CDH11: variants seen among roughly 807,000 people sequenced by gnomAD.
CDH11 encodes cadherin-11.
Under a neutral mutation model 67.8 loss-of-function variants are expected in CDH11, and 11 were observed. The ratio of observed to expected loss-of-function variants is 0.16; its 90% confidence interval spans 0.10 to 0.27. The LOEUF is 0.27. Among genes scored for constraint, CDH11 ranks in the 10% least tolerant of loss-of-function variants. The pLI is 1.00. For synonymous variants in CDH11, 419 were observed against 400.0 expected, an observed-to-expected ratio of 1.05 and a Z score of -0.57; for missense variants, 847 against 1,031.2, an observed-to-expected ratio of 0.82 and a Z score of 2.45.
intron 4 of CDH11, among the ~76,000 whole-genome samples, 162 bp from the exon 5 acceptor site, chr16:64,993,196 A>ACCTTCCTTCCTTCCTT (rs71143543): frequency 0.22 from 32,437 of 147,052 alleles, 4,276 homozygotes; most frequent in Non-Finnish European, 0.29. Flanking sequence ...CAGCCAACCA[A>ACCTTCCTTCCTTCCTT]CCTTCCTTCC....
At chr16:65,057,589 G>C (rs995940284) in intron 1 of CDH11, among the ~76,000 whole-genome samples, 6 of 152,206 alleles carry the variant, frequency 3.9e-5, no homozygotes, top group Non-Finnish European at 8.8e-5. Context: ...GACTGTGGCA[G>C]CTCCCTTTTG....
intron 1 of CDH11, among the ~76,000 whole-genome samples, chr16:65,091,315 G>A (rs964602014): frequency 1.3e-5 from 2 of 152,104 alleles, no homozygotes; most frequent in African/African-American, 4.8e-5. Context: ...TATTTATTTA[G>A]TATTAATTCC....
chr16:64,950,993 C>G lies in CDH11; in HGVS notation c.1668G>C (p.Arg556=). ...GCTTCTGCCGACTGAACCCTCCACG[C>G]CGGGCGTACACGCCTGCTGTGTTAT... ...NRDNTAGVYA[R]RGGFSRQKQD... Residue 556 remains arginine, a synonymous_variant, in exon 12 of 13, where the codon CGG becomes CGC. Coordinates refer to ENST00000268603, the MANE Select transcript of CDH11 (RefSeq NM_001797.4). The G allele has an allele frequency of 6.2e-7, 1 of 1,614,022 alleles. No homozygotes were observed. Among genetic ancestry groups the G allele is most frequent in the East Asian group, 2.2e-5 (1 of 44,870 alleles).
intron 1 of CDH11, among the ~76,000 whole-genome samples, chr16:65,106,151 CT>C (rs1422275900): frequency 1.3e-5 from 2 of 152,086 alleles, no homozygotes; most frequent in Non-Finnish European, 2.9e-5. Context: ...TCTTCTTGGA[CT>C]TTTTTAACAG....
At chr16:64,978,735 G>A (rs1040702774) in intron 8 of CDH11, among the ~76,000 whole-genome samples, 1 of 152,074 alleles carries the variant, frequency 6.6e-6, no homozygotes, top group African/African-American at 2.4e-5. Context: ...ATATGCACAT[G>A]CAAAATAATA....
chr16:65,081,568 CAA>C (rs200604783), intron 1 of CDH11, among the ~76,000 whole-genome samples: 13 of 60,722 alleles, frequency 2.1e-4, no homozygotes, highest in Non-Finnish European at 2.0e-4. Flanking sequence ...GACTCTGTCT[CAA>C]AAAAAAAAAA....
Position 64,945,579 on chromosome 16 carries a change from A to G in CDH11, c.*2024T>C. 1 of 1,030,068 alleles carries G rather than the reference A, an allele frequency of 9.7e-7. No homozygotes were observed. The highest frequency in any genetic ancestry group is 1.2e-6 in the Non-Finnish European group (1 of 856,486). 63.8% of individuals were successfully genotyped at this position (1,030,068 alleles called of 1,614,324 possible). A position where few individuals can be genotyped will look rare whatever the true frequency, so the allele number is the denominator to read the frequency against. ...AGCAAAATATTCTTTGGATTACAAA[A>G]ACTATATAAAAAAATGAACACAACC... On this transcript the variant is annotated 3_prime_UTR_variant, in exon 13 of 13. Coordinates refer to ENST00000268603, the MANE Select transcript of CDH11 (RefSeq NM_001797.4).
intron 8 of CDH11, among the ~76,000 whole-genome samples, chr16:64,978,337 G>C (rs1229649599): frequency 6.6e-6 from 1 of 152,216 alleles, no homozygotes; most frequent in Non-Finnish European, 1.5e-5. Flanking sequence ...TGTTCTGCAA[G>C]GGCCAGCCAG....
At chr16:64,981,860 C>A (rs1248427266) in intron 8 of CDH11, 188 bp downstream of exon 8, 4 of 517,616 alleles carry the variant, frequency 7.7e-6, no homozygotes, top group Non-Finnish European at 1.3e-5. Context: ...ACAATCCTAT[C>A]CAAAAAGTCA....
At chr16:65,083,060 T>G (rs560292206) in intron 1 of CDH11, among the ~76,000 whole-genome samples, 4 of 152,216 alleles carry the variant, frequency 2.6e-5, no homozygotes, top group Non-Finnish European at 5.9e-5. Context: ...AGGAATCCCA[T>G]GAACACTGTT....
chr16:65,009,898 C>T (rs553137993), intron 2 of CDH11, among the ~76,000 whole-genome samples: 15 of 152,286 alleles, frequency 9.8e-5, no homozygotes, highest in African/African-American at 1.7e-4. Flanking sequence ...GCAGATAGCC[C>T]GTCAGAAGCC....
At chr16:64,995,971 G>T (rs1201324871) in intron 4 of CDH11, among the ~76,000 whole-genome samples, 1 of 152,044 alleles carries the variant, frequency 6.6e-6, no homozygotes, top group Non-Finnish European at 1.5e-5. Context: ...ATATGCAAAT[G>T]GCTTACAAAT....
chr16:65,076,498 G>A (rs2074511586), intron 1 of CDH11, among the ~76,000 whole-genome samples: 1 of 152,158 alleles, frequency 6.6e-6, no homozygotes, highest in Non-Finnish European at 1.5e-5. Flanking sequence ...ACAAGTGTGG[G>A]CTCCCTTTGA....
intron 1 of CDH11, among the ~76,000 whole-genome samples, chr16:65,083,060 T>C (rs560292206): frequency 6.6e-6 from 1 of 152,216 alleles, no homozygotes; most frequent in Admixed American, 6.5e-5. Flanking sequence ...AGGAATCCCA[T>C]GAACACTGTT....
At position 65,092,189 on chromosome 16, in the gene CDH11, A is replaced by G. The variant is rs145736830; in HGVS notation, c.-298+29691T>C. Among the ~76,000 whole-genome samples, 357 of 152,292 alleles carry G rather than the reference A, an allele frequency of 2.3e-3. 2 individuals are homozygous for G. Among genetic ancestry groups the G allele is most frequent in the African/African-American group, 7.9e-3 (328 of 41,570 alleles). ...GTGATTGCTACACTGCAGCCCCTCA[A>G]AGCTGAAAAGTCTCTTAGAGGTCAC... On this transcript the variant is annotated intron_variant, in intron 1 of 12. Coordinates refer to ENST00000268603, the MANE Select transcript of CDH11 (RefSeq NM_001797.4).
chr16:65,032,170 C>T (rs2142625002), intron 2 of CDH11, among the ~76,000 whole-genome samples: 1 of 152,076 alleles, frequency 6.6e-6, no homozygotes, highest in African/African-American at 2.4e-5. Flanking sequence ...TCTTGTGAGG[C>T]AGGGATAATT....
At chr16:64,954,948 TAAA>T (rs71143536) in intron 11 of CDH11, among the ~76,000 whole-genome samples, 4 of 121,374 alleles carry the variant, frequency 3.3e-5, no homozygotes, top group Non-Finnish European at 3.6e-5. Context: ...TACTAAAAAA[TAAA>T]AAAAAAAAAA....
At chr16:65,075,293 A>G (rs572722237) in intron 1 of CDH11, among the ~76,000 whole-genome samples, 8 of 152,364 alleles carry the variant, frequency 5.3e-5, no homozygotes, top group African/African-American at 1.7e-4. Flanking sequence ...AGAGCCACTC[A>G]GGCAGAGGAT....
At chr16:65,005,560 C>T (rs758837222) in intron 2 of CDH11, among the ~76,000 whole-genome samples, 3 of 152,056 alleles carry the variant, frequency 2.0e-5, no homozygotes, top group Admixed American at 6.6e-5. Flanking sequence ...GAGGTAGTAA[C>T]GAAGAAGGCG....
Sources: gnomAD v4.1 joint callset for allele counts (sites outside exome capture counted in the v4.1 genomes callset) on GRCh38, gnomAD v4.1.1 for gene constraint, MANE v1.5 for transcripts, NCBI Gene and HGNC (gene_info 2026-07-23, HGNC 2026-07-21) for gene names.